The following NKAIN2 variants were observed in gnomAD, a reference collection of about 807,000 sequenced individuals.
NKAIN2 encodes the protein sodium/potassium-transporting ATPase subunit beta-1-interacting protein 2.
In NKAIN2, 14 loss-of-function variants were observed where a neutral mutation model predicts 32.6. The ratio of observed to expected loss-of-function variants is 0.43; its 90% CI spans 0.28 to 0.67. The LOEUF is 0.67. Ranked by LOEUF, NKAIN2 falls within the 30% of genes least tolerant of loss-of-function variation. The pLI is 0.17. For missense variants in NKAIN2, 198 were observed against 258.3 expected (o/e 0.77, Z 1.60); for synonymous variants, 80 against 87.2 (o/e 0.92, Z 0.46).
Position 124,107,972 on chromosome 6 carries a change from A to C in NKAIN2, c.55-175033A>C, listed in dbSNP as rs574694681. On this transcript the variant is annotated intron_variant, in intron 1 of 6. Transcript: ENST00000368417. ...TTTCACATCTTGGCTATTATAAGTA[A>C]TGTTGCAATGGACATGTGAGGTCAA... Among the ~76,000 whole-genome samples, 27 of 152,226 alleles carry C rather than the reference A, an allele frequency of 1.8e-4. No individual in the cohort carries two copies. The South Asian group carries it at 5.6e-3, about 32-fold the overall frequency.
chr6:124,560,807 A>AT (rs1251591911), intron 3 of NKAIN2, among the ~76,000 whole-genome samples: 1 of 152,206 alleles, frequency 6.6e-6, no homozygotes, highest in Non-Finnish European at 1.5e-5. Flanking sequence ...TTTAAATATT[A>AT]TTTTTTGTTT....
chr6:124,209,113 C>G (rs1174034938), intron 1 of NKAIN2, among the ~76,000 whole-genome samples: 1 of 151,348 alleles, frequency 6.6e-6, no homozygotes, highest in Non-Finnish European at 1.5e-5. Context: ...CCACTTTATA[C>G]CCGCCTCGCC....
At chr6:124,105,549 A>G (rs372068429) in intron 1 of NKAIN2, among the ~76,000 whole-genome samples, 1 of 152,176 alleles carries the variant, frequency 6.6e-6, no homozygotes, top group African/African-American at 2.4e-5. Context: ...GACACATGTA[A>G]GAGACTTCCA....
chr6:124,773,232 G>A (rs896613676), intron 4 of NKAIN2, among the ~76,000 whole-genome samples: 2 of 152,024 alleles, frequency 1.3e-5, no homozygotes, highest in African/African-American at 4.8e-5. Context: ...TCTGGATTGT[G>A]GAATAAAAGA....
intron 1 of NKAIN2, among the ~76,000 whole-genome samples, chr6:124,174,303 A>G (rs544140019): frequency 1.3e-5 from 2 of 152,282 alleles, no homozygotes; most frequent in Non-Finnish European, 1.5e-5. Flanking sequence ...ACTTCACACT[A>G]AAAGCACCTT....
intron 1 of NKAIN2, among the ~76,000 whole-genome samples, chr6:124,099,532 T>C (rs983045831): frequency 5.3e-5 from 8 of 152,222 alleles, no homozygotes; most frequent in African/African-American, 1.7e-4. Context: ...TTGCACTTTT[T>C]ATTTTTGAAA....
At chr6:124,605,730 C>T (rs552419156) in intron 3 of NKAIN2, among the ~76,000 whole-genome samples, 18 of 152,096 alleles carry the variant, frequency 1.2e-4, no homozygotes, top group Admixed American at 3.9e-4. Flanking sequence ...GAAGAACTCT[C>T]ATTTTATAAA....
At chr6:124,002,698 CT>C (rs1206127483) in intron 1 of NKAIN2, among the ~76,000 whole-genome samples, 1 of 152,120 alleles carries the variant, frequency 6.6e-6, no homozygotes, top group East Asian at 1.9e-4. Context: ...TGCTAACTTT[CT>C]TTTACGCCTT....
At chr6:124,426,564 C>G (rs1562177274) in intron 3 of NKAIN2, among the ~76,000 whole-genome samples, 1 of 152,102 alleles carries the variant, frequency 6.6e-6, no homozygotes. Context: ...AAAATAAGTA[C>G]CTGAATTAGT....
At chr6:124,698,990 G>C (rs370484010) in intron 4 of NKAIN2, among the ~76,000 whole-genome samples, 17 of 152,284 alleles carry the variant, frequency 1.1e-4, no homozygotes, top group African/African-American at 4.1e-4. Flanking sequence ...TAACTGTAGG[G>C]CTTTTGGCAA....
intron 1 of NKAIN2, among the ~76,000 whole-genome samples, chr6:123,884,651 A>C (rs1390746905): frequency 6.6e-6 from 1 of 152,112 alleles, no homozygotes; most frequent in Non-Finnish European, 1.5e-5. Flanking sequence ...TATTTCTGAT[A>C]ATTTGTTTAG....
intron 5 of NKAIN2, among the ~76,000 whole-genome samples, chr6:124,802,604 C>G (rs1160547749): frequency 6.6e-6 from 1 of 152,114 alleles, no homozygotes; most frequent in East Asian, 1.9e-4. Context: ...GTTTCTCCAC[C>G]CTGTTAGTTC....
intron 3 of NKAIN2, among the ~76,000 whole-genome samples, chr6:124,636,260 A>C (rs1341648939): frequency 1.3e-5 from 2 of 151,890 alleles, no homozygotes; most frequent in Non-Finnish European, 2.9e-5. Context: ...ACATACAAAA[A>C]CCTATGGGTT....
intron 1 of NKAIN2, among the ~76,000 whole-genome samples, chr6:124,009,398 A>T (rs1964713): frequency 0.52 from 79,586 of 152,032 alleles, 21,015 homozygotes; most frequent in East Asian, 0.59. Flanking sequence ...TCTAAAGAAG[A>T]TGCTAAGTCT....
intron 1 of NKAIN2, among the ~76,000 whole-genome samples, chr6:124,021,142 T>G (rs1380459483): frequency 6.6e-6 from 1 of 152,066 alleles, no homozygotes; most frequent in Admixed American, 6.6e-5. Context: ...AGTGAAATTA[T>G]AGCCCATAGG....
rs541364823 is a variant in NKAIN2 at position 124,536,749 on chromosome 6, C to T, written c.274-121437C>T. On this transcript the variant is annotated intron_variant, in intron 3 of 6. Transcript: ENST00000368417. ...CTCACGCTTCTTTGCTGCTTCTCAA[C>T]GGATTTTGAGTTTCAGTTTTTTCTC... 1.9e-4 allele frequency among the ~76,000 whole-genome samples: 29 copies of T among 152,286 alleles called. No individual in the cohort carries two copies. In the South Asian group the frequency reaches 2.3e-3, roughly 12 times the overall value.
intron 1 of NKAIN2, among the ~76,000 whole-genome samples, chr6:123,930,460 T>C (rs1229420846): frequency 6.6e-6 from 1 of 152,192 alleles, no homozygotes; most frequent in Non-Finnish European, 1.5e-5. Context: ...TTATTAGTCC[T>C]GACTCTGCTC....
intron 3 of NKAIN2, among the ~76,000 whole-genome samples, chr6:124,500,145 A>G (rs923268371): frequency 1.3e-5 from 2 of 152,212 alleles, no homozygotes; most frequent in African/African-American, 4.8e-5. Flanking sequence ...AAATTTGTTC[A>G]ACTAAATATT....
intron 4 of NKAIN2, among the ~76,000 whole-genome samples, chr6:124,750,183 C>T (rs965089552): frequency 2.0e-5 from 3 of 151,810 alleles, no homozygotes; most frequent in Non-Finnish European, 2.9e-5. Flanking sequence ...TATAACACAA[C>T]GTCTGTCATA....
Sources: gnomAD v4.1 joint callset for allele counts (sites outside exome capture counted in the v4.1 genomes callset) on GRCh38, gnomAD v4.1.1 for gene constraint, MANE v1.5 for transcripts, NCBI Gene and HGNC (gene_info 2026-07-23, HGNC 2026-07-21) for gene names.